Variants in SLCO2A1 observed in about 807,000 individuals in gnomAD.
SLCO2A1 encodes matrin F/G 1.
A neutral mutation model predicts 71.7 loss-of-function variants in SLCO2A1; 60 were observed. That is an observed-to-expected ratio of 0.84 (90% confidence interval 0.68 to 1.04). The LOEUF (loss-of-function observed/expected upper bound fraction) is 1.04. Among genes scored for constraint, SLCO2A1 ranks in the 50% least tolerant of loss-of-function variants. SLCO2A1 has a pLI of 0.00. For synonymous variants in SLCO2A1, 308 were observed against 326.7 expected (o/e 0.94, Z 0.62); for missense variants, 745 against 813.4 (o/e 0.92, Z 1.02).
At chr3:133,943,762 C>A (rs954656729) in intron 10 of SLCO2A1, among the ~76,000 whole-genome samples, 1 of 152,220 alleles carries the variant, frequency 6.6e-6, no homozygotes, top group African/African-American at 2.4e-5. Flanking sequence ...TGGAAGGCAA[C>A]TTAAAGAGCA....
chr3:133,965,680 A>C (rs1326113988), intron 3 of SLCO2A1, among the ~76,000 whole-genome samples: 1 of 152,036 alleles, frequency 6.6e-6, no homozygotes, highest in African/African-American at 2.4e-5. Context: ...CAAGTTCACA[A>C]TTCCAGCCTG....
At chr3:134,013,944 T>C (rs1459195342) in intron 1 of SLCO2A1, among the ~76,000 whole-genome samples, 1 of 152,100 alleles carries the variant, frequency 6.6e-6, no homozygotes, top group Admixed American at 6.5e-5. Context: ...CATTCCCTTC[T>C]AGAATTCAGG....
chr3:133,970,827 C>A (rs1333812096), intron 3 of SLCO2A1, among the ~76,000 whole-genome samples: 1 of 152,268 alleles, frequency 6.6e-6, no homozygotes, highest in Non-Finnish European at 1.5e-5. Context: ...GCCCCTGCAG[C>A]CTTGAGAGGC....
At chr3:134,028,624 C>A (rs534720856) in intron 1 of SLCO2A1, among the ~76,000 whole-genome samples, 1 of 152,308 alleles carries the variant, frequency 6.6e-6, no homozygotes, top group Non-Finnish European at 1.5e-5. Context: ...CCCCATCATC[C>A]CTTTGTGTAA....
At chr3:133,960,655 G>A (rs995202910) in intron 3 of SLCO2A1, among the ~76,000 whole-genome samples, 1 of 152,140 alleles carries the variant, frequency 6.6e-6, no homozygotes, top group Non-Finnish European at 1.5e-5. Context: ...CATTGTGAAC[G>A]TACCTTAATG....
At chr3:134,015,208 A>G (rs1005129668) in intron 1 of SLCO2A1, among the ~76,000 whole-genome samples, 1 of 152,230 alleles carries the variant, frequency 6.6e-6, no homozygotes, top group African/African-American at 2.4e-5. Flanking sequence ...CAGTGGATGA[A>G]TAGGTAAGGA....
chr3:134,023,121 A>AAAACAAACAAAC, intron 1 of SLCO2A1, among the ~76,000 whole-genome samples: 1 of 38,424 alleles, frequency 2.6e-5, no homozygotes, highest in East Asian at 8.7e-4. Context: ...TTCATACAGC[A>AAAACAAACAAAC]AAACAAACAA....
intron 1 of SLCO2A1, among the ~76,000 whole-genome samples, chr3:133,999,094 G>C (rs965799824): frequency 1.3e-5 from 2 of 152,160 alleles, no homozygotes; most frequent in Admixed American, 1.3e-4. Flanking sequence ...CCCTTCTCTA[G>C]GTTACTCCTC....
At chr3:133,965,976 G>A (rs57403737) in intron 3 of SLCO2A1, among the ~76,000 whole-genome samples, 34,739 of 152,148 alleles carry the variant, frequency 0.23, 4,177 homozygotes, top group East Asian at 0.32. Context: ...ATGGGAGAGA[G>A]GGAGGGGCCT....
intron 3 of SLCO2A1, among the ~76,000 whole-genome samples, chr3:133,973,169 T>C (rs989446695): frequency 6.6e-6 from 1 of 152,216 alleles, no homozygotes; most frequent in Non-Finnish European, 1.5e-5. Context: ...TGTTAAGTCA[T>C]ACATCAATGT....
chr3:133,979,360 C>T lies in SLCO2A1; in HGVS notation c.234+121G>A, dbSNP rs190059341. 3.0e-4 allele frequency: 380 copies of T among 1,263,576 alleles called. No homozygotes were observed. The Admixed American group carries it at 4.4e-3, about 15-fold the overall frequency. The allele number at this position is 1,263,576 out of a possible 1,614,324, so 78.3% of individuals were successfully genotyped here. On this transcript the variant is annotated intron_variant, in intron 2 of 13. Coordinates refer to ENST00000310926, the MANE Select transcript of SLCO2A1 (RefSeq NM_005630.3). ...CTTTGCTGTTTCGTTTGCTGTTACCCGGCAGAAAGAGGCATTGCACCTATG... is the reference window on the plus strand; with the variant it reads ...CTTTGCTGTTTCGTTTGCTGTTACCTGGCAGAAAGAGGCATTGCACCTATG...
intron 11 of SLCO2A1, 58 bp from the exon 12 acceptor site, chr3:133,938,551 G>A (rs1223830462): frequency 6.5e-7 from 1 of 1,546,482 alleles, no homozygotes; most frequent in African/African-American, 1.4e-5. Context: ...CGATCCCTTG[G>A]GTAAGGGGCA....
At chr3:133,990,518 AC>A (rs1258474317) in intron 1 of SLCO2A1, among the ~76,000 whole-genome samples, 3 of 151,792 alleles carry the variant, frequency 2.0e-5, no homozygotes, top group Admixed American at 2.0e-4. Context: ...AATATACCGA[AC>A]CCTTCCTCTC....
chr3:134,005,542 C>T (rs186830038), intron 1 of SLCO2A1, among the ~76,000 whole-genome samples: 2,325 of 143,264 alleles, frequency 0.016, 50 homozygotes, highest in African/African-American at 0.049. Flanking sequence ...AGTGCAGTGG[C>T]GCAATCTCGG....
intron 1 of SLCO2A1, among the ~76,000 whole-genome samples, chr3:134,020,034 A>T (rs1386322755): frequency 2.0e-5 from 3 of 152,138 alleles, no homozygotes; most frequent in African/African-American, 7.2e-5. Flanking sequence ...CTAATCGGTT[A>T]TGTTATCTGT....
At chr3:134,004,018 G>C (rs1246430709) in intron 1 of SLCO2A1, among the ~76,000 whole-genome samples, 1 of 152,176 alleles carries the variant, frequency 6.6e-6, no homozygotes, top group African/African-American at 2.4e-5. Context: ...CTTCCTGACT[G>C]CCTGCCCTGT....
intron 11 of SLCO2A1, among the ~76,000 whole-genome samples, chr3:133,939,412 TC>T (rs1190515560): frequency 6.6e-6 from 1 of 151,850 alleles, no homozygotes; most frequent in Admixed American, 6.6e-5. Flanking sequence ...GCACACACAC[TC>T]CCGGTGGGTG....
intron 1 of SLCO2A1, among the ~76,000 whole-genome samples, chr3:134,010,904 G>A (rs764913854): frequency 6.6e-6 from 1 of 152,112 alleles, no homozygotes; most frequent in Non-Finnish European, 1.5e-5. Context: ...AGATCTGGGT[G>A]GGGACACAGA....
intron 1 of SLCO2A1, among the ~76,000 whole-genome samples, chr3:133,983,834 G>C (rs1368839593): frequency 6.6e-6 from 1 of 152,224 alleles, no homozygotes; most frequent in East Asian, 1.9e-4. Flanking sequence ...GGAGAGACGA[G>C]GGCTGGCTGG....
Sources: gnomAD v4.1 joint callset for allele counts (sites outside exome capture counted in the v4.1 genomes callset) on GRCh38, gnomAD v4.1.1 for gene constraint, MANE v1.5 for transcripts, NCBI Gene and HGNC (gene_info 2026-07-23, HGNC 2026-07-21) for gene names.